OPCML: variants seen among roughly 807,000 people sequenced by gnomAD.
The protein encoded by OPCML is opioid-binding protein/cell adhesion molecule.
OPCML carries 13 observed loss-of-function variants against 37.8 expected under a neutral mutation model. That is an observed-to-expected ratio of 0.34 (90% CI 0.22 to 0.55). OPCML has a LOEUF of 0.55. OPCML is among the 20% of genes least tolerant of loss of function. OPCML has a pLI of 0.91. For missense variants in OPCML, 341 were observed against 435.6 expected, an observed-to-expected ratio of 0.78 and a Z score of 1.93; for synonymous variants, 176 against 168.8, an observed-to-expected ratio of 1.04 and a Z score of -0.33.
intron 3 of OPCML, among the ~76,000 whole-genome samples, chr11:132,618,643 T>C (rs1404447857): frequency 1.3e-5 from 2 of 152,236 alleles, no homozygotes; most frequent in African/African-American, 4.8e-5. Context: ...TTTATCCACA[T>C]AGATCTTGTA....
intron 2 of OPCML, among the ~76,000 whole-genome samples, chr11:132,736,787 C>T (rs1174267136): frequency 2.6e-5 from 4 of 152,130 alleles, no homozygotes; most frequent in Non-Finnish European, 5.9e-5. Context: ...ATGACCACTG[C>T]CCCATTGACA....
At chr11:132,945,683 T>C (rs773071218) in intron 1 of OPCML, among the ~76,000 whole-genome samples, 4 of 151,970 alleles carry the variant, frequency 2.6e-5, no homozygotes, top group African/African-American at 4.8e-5. Context: ...TTTTAACTTT[T>C]TGACTGTTGC....
chr11:133,104,462 T>A (rs1949128883), intron 1 of OPCML, among the ~76,000 whole-genome samples: 1 of 152,180 alleles, frequency 6.6e-6, no homozygotes, highest in Admixed American at 6.5e-5. Context: ...ATAAAACAAG[T>A]TATTTAGCGA....
intron 4 of OPCML, among the ~76,000 whole-genome samples, chr11:132,515,730 T>C (rs956255866): frequency 3.9e-5 from 6 of 152,178 alleles, no homozygotes; most frequent in African/African-American, 1.4e-4. Flanking sequence ...TTAACCATGA[T>C]TACTACCTTT....
At chr11:133,497,827 G>A (rs1947816666) in intron 1 of OPCML, among the ~76,000 whole-genome samples, 1 of 152,186 alleles carries the variant, frequency 6.6e-6, no homozygotes, top group Non-Finnish European at 1.5e-5. Context: ...AAGACCTTTA[G>A]CTCAAATCCA....
intron 4 of OPCML, among the ~76,000 whole-genome samples, chr11:132,502,811 A>T (rs1359376939): frequency 6.6e-6 from 1 of 152,174 alleles, no homozygotes; most frequent in Middle Eastern, 3.2e-3. Context: ...AAGCACAGGA[A>T]TCCTGCTCAC....
At chr11:132,566,971 GT>G (rs71232598) in intron 3 of OPCML, among the ~76,000 whole-genome samples, 3,743 of 144,530 alleles carry the variant, frequency 0.026, 109 homozygotes, top group East Asian at 0.059. Context: ...CATCAGTTAG[GT>G]TTTTTTTTTT....
chr11:133,327,757 T>C (rs1439203754), intron 1 of OPCML, among the ~76,000 whole-genome samples: 3 of 152,196 alleles, frequency 2.0e-5, no homozygotes, highest in Admixed American at 6.5e-5. Context: ...GACTGTTCAA[T>C]GTTCCCTGGT....
At chr11:133,193,962 A>T (rs1318616081) in intron 1 of OPCML, among the ~76,000 whole-genome samples, 1 of 152,250 alleles carries the variant, frequency 6.6e-6, no homozygotes, top group Non-Finnish European at 1.5e-5. Context: ...CTATTACTTT[A>T]GAAAAAGAGG....
chr11:133,033,837 T>G (rs1947717194), intron 1 of OPCML, among the ~76,000 whole-genome samples: 1 of 152,192 alleles, frequency 6.6e-6, no homozygotes, highest in African/African-American at 2.4e-5. Flanking sequence ...GTCACGGGTA[T>G]CAACTCACAG....
chr11:133,487,828 C>A (rs1278933817), intron 1 of OPCML, among the ~76,000 whole-genome samples: 1 of 148,878 alleles, frequency 6.7e-6, no homozygotes, highest in Non-Finnish European at 1.5e-5. Flanking sequence ...TAAAGTAATC[C>A]CAATCAGAAT....
intron 7 of OPCML, among the ~76,000 whole-genome samples, chr11:132,432,994 T>C (rs1013089759): frequency 6.6e-6 from 1 of 152,122 alleles, no homozygotes; most frequent in Non-Finnish European, 1.5e-5. Flanking sequence ...GGATGCAGAA[T>C]TGGGGACTGG....
intron 2 of OPCML, among the ~76,000 whole-genome samples, chr11:132,761,611 T>C (rs1486084359): frequency 1.3e-5 from 2 of 152,120 alleles, no homozygotes; most frequent in East Asian, 3.9e-4. Flanking sequence ...CTATCGATAC[T>C]TGTGTATGCT....
intron 1 of OPCML, among the ~76,000 whole-genome samples, chr11:133,113,411 A>G (rs6590681): frequency 0.28 from 42,232 of 152,144 alleles, 9,203 homozygotes; most frequent in African/African-American, 0.61. Context: ...AGAAAAAGGG[A>G]GAAGAACAAG....
intron 2 of OPCML, among the ~76,000 whole-genome samples, chr11:132,782,472 T>C (rs919746464): frequency 3.9e-5 from 6 of 152,230 alleles, no homozygotes; most frequent in African/African-American, 1.4e-4. Context: ...GAGAGTGGCC[T>C]TGGCCAAAAA....
chr11:132,992,406 C>T (rs1946799530), intron 1 of OPCML, among the ~76,000 whole-genome samples: 1 of 152,130 alleles, frequency 6.6e-6, no homozygotes, highest in South Asian at 2.1e-4. Context: ...TAATATCTGT[C>T]TCCATTTTTA....
At chr11:132,937,815 CAG>C (rs1945441856) in intron 2 of OPCML, among the ~76,000 whole-genome samples, 1 of 151,976 alleles carries the variant, frequency 6.6e-6, no homozygotes, top group Non-Finnish European at 1.5e-5. Context: ...CAAATCTCTG[CAG>C]AGACAGGTAT....
chr11:132,527,894 AG>A lies in OPCML; in HGVS notation c.505+1166del, dbSNP rs1243826072. ...AACTTGGACACAGATGCATCTAGGA[AG>A]AGGGCCATGTGAAGATGAAGGCAGA... On this transcript the variant is annotated intron_variant, in intron 4 of 7. Transcript: ENST00000524381. 2.0e-5 allele frequency among the ~76,000 whole-genome samples: 3 copies of A among 151,434 alleles called. No individual in the cohort carries two copies. In the East Asian group the frequency reaches 5.8e-4, roughly 29 times the overall value.
rs1029260050 is a variant in OPCML at position 133,206,510 on chromosome 11, G to C, written c.62-263500C>G. The stretch of plus-strand genomic sequence containing the variant: ...CGTTAAAGTTGTGAAAGCGTGTTAA[G>C]AGAGGAAGAGAAACACCCTGTACTC... On this transcript the variant is annotated intron_variant, in intron 1 of 7. Transcript: ENST00000524381. This position sits in a 1 kb window ranked among gnomAD's most constrained non-coding sequence, Gnocchi z 4.7. Among the ~76,000 whole-genome samples, 1 of 152,208 alleles carries C rather than the reference G, an allele frequency of 6.6e-6. No individual in the cohort carries two copies. The highest frequency in any genetic ancestry group is 1.5e-5 in the Non-Finnish European group (1 of 68,032).
Sources: allele counts gnomAD v4.1 joint callset (sites outside exome capture counted in the v4.1 genomes callset), GRCh38; gene constraint gnomAD v4.1.1; non-coding constraint Gnocchi (gnomAD v3.1); transcripts MANE v1.5; gene names NCBI Gene and HGNC (gene_info 2026-07-23, HGNC 2026-07-21).